EPM2A: variants seen among roughly 807,000 people sequenced by gnomAD.
EPM2A encodes laforin.
Under a neutral mutation model 26.5 loss-of-function variants are expected in EPM2A, and 21 were observed. The observed-to-expected ratio is 0.79, with a 90% confidence interval of 0.56 to 1.14. The LOEUF (loss-of-function observed/expected upper bound fraction) is 1.14. Ranked by LOEUF, EPM2A falls within the 50% of genes most tolerant of loss-of-function variation. The pLI is 0.00. For synonymous variants in EPM2A, 217 were observed against 177.6 expected (o/e 1.22, Z -1.76); for missense variants, 458 against 440.8 (o/e 1.04, Z -0.35).
intron 3 of EPM2A, chr6:145,630,095 T>C (rs1349504060): frequency 6.6e-6 from 1 of 152,166 alleles, no homozygotes; most frequent in Non-Finnish European, 1.5e-5. Flanking sequence ...ATGTACACAG[T>C]TTAGAAGTTA....
chr6:145,697,644 C>T (rs1041898986), intron 1 of EPM2A, among the ~76,000 whole-genome samples: 7 of 152,106 alleles, frequency 4.6e-5, no homozygotes, highest in South Asian at 2.1e-4. Flanking sequence ...CCCTCAGGGA[C>T]GCATTCTCTT....
At chr6:145,632,311 T>G (rs1776325737) in intron 3 of EPM2A, 1 of 152,200 alleles carries the variant, frequency 6.6e-6, no homozygotes, top group South Asian at 2.1e-4. Context: ...GAGGGGTAGC[T>G]GAGGACTTCA....
At chr6:145,677,373 A>G (rs576826109) in intron 2 of EPM2A, among the ~76,000 whole-genome samples, 1 of 152,334 alleles carries the variant, frequency 6.6e-6, no homozygotes, top group South Asian at 2.1e-4. Flanking sequence ...AAACCGGCAC[A>G]AGACAAGGAT....
intron 4 of EPM2A, among the ~76,000 whole-genome samples, chr6:145,438,207 T>C (rs987872612): frequency 6.6e-6 from 1 of 152,108 alleles, no homozygotes; most frequent in East Asian, 1.9e-4. Context: ...AGGTCCCCAG[T>C]GGGAAGTGAG....
At chr6:145,547,674 T>A (rs973158062) in intron 2 of EPM2A, among the ~76,000 whole-genome samples, 1 of 152,170 alleles carries the variant, frequency 6.6e-6, no homozygotes, top group African/African-American at 2.4e-5. Context: ...GAGACAACTA[T>A]ATCTGTTTGA....
At chr6:145,575,718 A>C (rs1398387809) in intron 2 of EPM2A, among the ~76,000 whole-genome samples, 2 of 152,040 alleles carry the variant, frequency 1.3e-5, no homozygotes, top group Admixed American at 6.6e-5. Flanking sequence ...ATTTCACATA[A>C]CTCTCTAAAC....
chr6:145,492,416 T>C (rs900918181), intron 4 of EPM2A, among the ~76,000 whole-genome samples: 1 of 152,152 alleles, frequency 6.6e-6, no homozygotes, highest in African/African-American at 2.4e-5. Flanking sequence ...AGTGCTCTTT[T>C]AGCTTTGCCA....
rs75418278 is a variant in EPM2A at position 145,446,010 on chromosome 6, G to A, written c.555+56512C>T. Among the ~76,000 whole-genome samples the A allele has an allele frequency of 3.1e-3, 475 of 152,294 alleles. 10 individuals are homozygous for A. In the East Asian group the frequency reaches 0.054, roughly 17 times the overall value. On this transcript the variant is annotated intron_variant, in intron 4 of 4. Transcript: ENST00000638717. ...GTTACCACATAAGTTTAACTATACT[G>A]AGAGAACAATGGTAGAGAGGCCATA... is the stretch of plus-strand genomic sequence containing the variant.
At position 145,501,671 on chromosome 6, in the gene EPM2A, C is replaced by T. The variant is rs139630992; in HGVS notation, c.*136G>A. 253 of 407,898 alleles carry T rather than the reference C, an allele frequency of 6.2e-4. 1 individual carries two copies. The highest frequency in any genetic ancestry group is 4.6e-3 in the African/African-American group (222 of 48,388). 25.3% of individuals were successfully genotyped at this position (407,898 alleles called of 1,614,324 possible). On this transcript the variant is annotated 3_prime_UTR_variant, in exon 4 of 4. Coordinates refer to the EPM2A transcript ENST00000450221. ...GCAGAAGTGGGGGAAGAAGGAGTTA[C>T]GAAGATTGTCCCACTAATTAGTAAC...
chr6:145,446,262 C>T (rs117553830), intron 4 of EPM2A, among the ~76,000 whole-genome samples: 3 of 140,660 alleles, frequency 2.1e-5, no homozygotes, highest in Non-Finnish European at 4.9e-5. Flanking sequence ...TGTTCTATGC[C>T]ACCAAGTTCT....
At chr6:145,428,653 G>A (rs1205650202) in intron 4 of EPM2A, among the ~76,000 whole-genome samples, 2 of 152,210 alleles carry the variant, frequency 1.3e-5, no homozygotes, top group African/African-American at 2.4e-5. Flanking sequence ...TTATGTTTAT[G>A]TGGGCTTTAT....
downstream of EPM2A, among the ~76,000 whole-genome samples, chr6:145,622,823 A>G (rs779139195): frequency 6.6e-6 from 1 of 152,192 alleles, no homozygotes; most frequent in East Asian, 1.9e-4. Flanking sequence ...TAAGCCTCCT[A>G]GTCTGTGGTA....
chr6:145,395,735 T>C (rs1366535910), intron 4 of EPM2A, among the ~76,000 whole-genome samples: 1 of 152,168 alleles, frequency 6.6e-6, no homozygotes, highest in Non-Finnish European at 1.5e-5. Context: ...TATACTGCTT[T>C]TATAGACATC....
intron 2 of EPM2A, chr6:145,637,928 G>GT (rs1405987016): frequency 2.6e-5 from 4 of 152,154 alleles, no homozygotes; most frequent in African/African-American, 9.7e-5. Context: ...CTGGGCTCAC[G>GT]TATGTATACT....
At chr6:145,635,581 C>G in intron 2 of EPM2A, 95 bp from the exon 3 acceptor site, 1 of 1,231,684 alleles carries the variant, frequency 8.1e-7, no homozygotes, top group Non-Finnish European at 1.2e-6. Context: ...ATATAACTAA[C>G]CTTTAAGTCT....
In EPM2A at chr6:145,502,578, G is replaced by A. The variant is rs1055776444; in HGVS notation, c.341-3C>T. The A allele has an allele frequency of 8.5e-6, 4 of 470,796 alleles. No homozygotes were observed. The East Asian group carries it at 2.8e-4, about 33-fold the overall frequency. 29.2% of individuals were successfully genotyped at this position (470,796 alleles called of 1,614,324 possible). ...CATGTCAGCTGTCCTCTTCTCATCT[G>A]GAAAAAGGAGGAGAGGAGTGGCAGC... On this transcript the variant is annotated splice_polypyrimidine_tract_variant and splice_region_variant and intron_variant, in intron 2 of 3. Coordinates refer to the EPM2A transcript ENST00000450221.
intron 2 of EPM2A, among the ~76,000 whole-genome samples, chr6:145,546,025 A>G (rs1051460598): frequency 6.6e-6 from 1 of 152,190 alleles, no homozygotes; most frequent in African/African-American, 2.4e-5. Context: ...GAGCAACAGA[A>G]TCAATAGGAT....
At chr6:145,682,958 C>T (rs1414814969) in intron 2 of EPM2A, among the ~76,000 whole-genome samples, 1 of 152,122 alleles carries the variant, frequency 6.6e-6, no homozygotes, top group African/African-American at 2.4e-5. Flanking sequence ...ATTTCAGCAG[C>T]TAAGATAAAT....
intron 4 of EPM2A, among the ~76,000 whole-genome samples, chr6:145,412,035 T>C (rs1485862876): frequency 2.6e-5 from 4 of 151,798 alleles, no homozygotes; most frequent in African/African-American, 9.7e-5. Context: ...CTGGCAAACA[T>C]AGTGAAACCG....
Sources: allele counts gnomAD v4.1 joint callset (sites outside exome capture counted in the v4.1 genomes callset), GRCh38; gene constraint gnomAD v4.1.1; transcripts MANE v1.5; gene names NCBI Gene and HGNC (gene_info 2026-07-23, HGNC 2026-07-21).